The following ASB3 variants were observed in gnomAD, a reference collection of about 807,000 sequenced individuals.
ASB3 encodes ankyrin repeat and SOCS box containing 3.
In ASB3, 41 loss-of-function variants were observed where a neutral mutation model predicts 54.5. The observed-to-expected ratio is 0.75, with a 90% CI of 0.59 to 0.98. The LOEUF (loss-of-function observed/expected upper bound fraction) is 0.98, where lower values mean the gene tolerates loss of function less well. ASB3 is among the 50% of genes least tolerant of loss of function. ASB3 has a pLI of 0.00. For synonymous variants in ASB3, 266 were observed against 221.2 expected (o/e 1.20, Z -1.80); for missense variants, 733 against 620.0 (o/e 1.18, Z -1.94).
intron 2 of ASB3, among the ~76,000 whole-genome samples, chr2:53,764,292 T>C (rs1673312330): frequency 6.6e-6 from 1 of 152,166 alleles, no homozygotes; most frequent in Non-Finnish European, 1.5e-5. Flanking sequence ...CTGAATGCTA[T>C]AAATTCATTC....
intron 1 of ASB3, among the ~76,000 whole-genome samples, chr2:53,782,686 G>A (rs1179976334): frequency 6.6e-6 from 1 of 152,142 alleles, no homozygotes; most frequent in East Asian, 1.9e-4. Flanking sequence ...GGTACAGGGT[G>A]GAAGGAGAGG....
chr2:53,768,103 GA>G (rs1673621237), intron 1 of ASB3: 1 of 1,513,732 alleles, frequency 6.6e-7, no homozygotes, highest in African/African-American at 1.4e-5. Context: ...ACACCCTAGA[GA>G]ACCACACCTT....
intron 9 of ASB3, among the ~76,000 whole-genome samples, chr2:53,684,911 G>A (rs1487120530): frequency 6.6e-6 from 1 of 152,200 alleles, no homozygotes; most frequent in African/African-American, 2.4e-5. Flanking sequence ...ATTACTACAA[G>A]TATGAATCAA....
At chr2:53,741,589 T>C (rs1277041119) in intron 3 of ASB3, among the ~76,000 whole-genome samples, 1 of 152,204 alleles carries the variant, frequency 6.6e-6, no homozygotes, top group Non-Finnish European at 1.5e-5. Context: ...GAACAGAGAT[T>C]GTATTGTATG....
intron 8 of ASB3, 58 bp from the exon 9 acceptor site, chr2:53,694,072 T>C (rs1669058713): frequency 5.7e-6 from 9 of 1,588,416 alleles, no homozygotes; most frequent in South Asian, 1.1e-5. Context: ...GGGTTCGTAC[T>C]TGAAACAAAC....
At chr2:53,686,388 C>A (rs992874486) in intron 9 of ASB3, among the ~76,000 whole-genome samples, 3 of 152,196 alleles carry the variant, frequency 2.0e-5, no homozygotes, top group South Asian at 2.1e-4. Flanking sequence ...CCAACACCCT[C>A]CTCAGAGCCA....
chr2:53,683,545 G>A (rs1326258541), intron 9 of ASB3, among the ~76,000 whole-genome samples: 26 of 152,052 alleles, frequency 1.7e-4, no homozygotes, highest in Admixed American at 1.7e-3. Flanking sequence ...AGTTTCAGGA[G>A]GATTGGTATT....
At chr2:53,719,027 T>C (rs1322856300) in intron 5 of ASB3, among the ~76,000 whole-genome samples, 4 of 152,118 alleles carry the variant, frequency 2.6e-5, no homozygotes, top group Admixed American at 2.6e-4. Context: ...TTCAAGCAAT[T>C]CTCCTGCCTC....
At chr2:53,754,521 C>T (rs1176083607) in intron 2 of ASB3, among the ~76,000 whole-genome samples, 1 of 152,104 alleles carries the variant, frequency 6.6e-6, no homozygotes, top group Non-Finnish European at 1.5e-5. Context: ...AAATATTTTA[C>T]CTATAGAAAA....
chr2:53,730,015 G>C (rs996176896), intron 3 of ASB3, among the ~76,000 whole-genome samples: 6 of 152,086 alleles, frequency 3.9e-5, no homozygotes, highest in Non-Finnish European at 8.8e-5. Context: ...CTTCATCTTA[G>C]ATTTTTTTTA....
At chr2:53,697,455 C>T (rs950402266) in intron 8 of ASB3, among the ~76,000 whole-genome samples, 1 of 146,514 alleles carries the variant, frequency 6.8e-6, no homozygotes, top group African/African-American at 2.5e-5. Flanking sequence ...ACTCTATGGA[C>T]TTGCCCCGAA....
chr2:53,713,063 A>T (rs1286954880), intron 7 of ASB3, among the ~76,000 whole-genome samples: 2 of 152,300 alleles, frequency 1.3e-5, no homozygotes, highest in Non-Finnish European at 2.9e-5. Flanking sequence ...AAGAGGCCGG[A>T]TGGGGTGGCT....
At chr2:53,754,856 C>T (rs1365038280) in intron 2 of ASB3, among the ~76,000 whole-genome samples, 1 of 152,150 alleles carries the variant, frequency 6.6e-6, no homozygotes, top group Non-Finnish European at 1.5e-5. Context: ...TTTTCACCAC[C>T]CACTATAAAT....
At chr2:53,685,424 A>T (rs150149045) in intron 9 of ASB3, among the ~76,000 whole-genome samples, 130 of 152,354 alleles carry the variant, frequency 8.5e-4, no homozygotes, top group South Asian at 2.3e-3. Context: ...GCTGCGCAGG[A>T]TCACCAAACT....
chr2:53,782,611 T>C (rs1674711871), intron 1 of ASB3, among the ~76,000 whole-genome samples: 1 of 152,202 alleles, frequency 6.6e-6, no homozygotes, highest in South Asian at 2.1e-4. Context: ...CTCTTTTTAA[T>C]TTAACAGTCT....
intron 5 of ASB3, among the ~76,000 whole-genome samples, chr2:53,721,787 G>GA (rs1178035387): frequency 6.6e-6 from 1 of 151,638 alleles, no homozygotes. Context: ...CGAGGAATAA[G>GA]AAAAAACAGA....
intron 3 of ASB3, 81 bp downstream of exon 3, chr2:53,750,702 C>T: frequency 7.2e-7 from 1 of 1,381,058 alleles, no homozygotes; most frequent in Non-Finnish European, 9.5e-7. Flanking sequence ...AGCACAACAG[C>T]TGAAGGAAAA....
At chr2:53,736,589 C>T (rs1671645289) in intron 3 of ASB3, among the ~76,000 whole-genome samples, 1 of 151,602 alleles carries the variant, frequency 6.6e-6, no homozygotes, top group Non-Finnish European at 1.5e-5. Context: ...GTCCCAACTA[C>T]TTGGGAGGCC....
chr2:53,688,526 G>A (rs1668747706), intron 9 of ASB3, among the ~76,000 whole-genome samples: 1 of 152,184 alleles, frequency 6.6e-6, no homozygotes. Context: ...GTTAACTGAG[G>A]TCTGTCTTTG....
Sources: allele counts gnomAD v4.1 joint callset (sites outside exome capture counted in the v4.1 genomes callset), GRCh38; gene constraint gnomAD v4.1.1; transcripts MANE v1.5; gene names NCBI Gene and HGNC (gene_info 2026-07-23, HGNC 2026-07-21).